The following ENTPD4 variants were observed in gnomAD, a reference collection of about 807,000 sequenced individuals.
ENTPD4 encodes ectonucleoside triphosphate diphosphohydrolase 4, also known as Golgi UDPase.
A neutral mutation model predicts 79.1 loss-of-function variants in ENTPD4; 60 were observed. That is an observed-to-expected ratio of 0.76 (90% CI 0.62 to 0.94). The LOEUF (loss-of-function observed/expected upper bound fraction) is 0.94. Among genes scored for constraint, ENTPD4 ranks in the 40% least tolerant of loss-of-function variants. The pLI is 0.00. For missense variants in ENTPD4, 772 were observed against 775.1 expected (o/e 1.00, Z 0.05); for synonymous variants, 276 against 292.0 (o/e 0.95, Z 0.56).
rs373602935 is a variant in ENTPD4, at chr8:23,444,464, G to A, written c.555C>T (p.Leu185=). 3.1e-6 allele frequency: 5 copies of A among 1,613,754 alleles called. No homozygotes were observed. The highest frequency in any genetic ancestry group is 2.2e-5 in the South Asian group (2 of 91,064). The change falls in exon 5 of 13, where the codon CTC becomes CTT. Residue 185 remains leucine, a synonymous_variant. Transcript: ENST00000358689. ...CTTCTGTGGAGGATCACCTTTCGGG[G>A]AGGATTCTCATTCCAGCCGTGCAGA... ...YILCTAGMRI[L]PESQQKAILE...
At chr8:23,445,777 A>C (rs1368384196) in intron 4 of ENTPD4, among the ~76,000 whole-genome samples, 1 of 152,244 alleles carries the variant, frequency 6.6e-6, no homozygotes, top group African/African-American at 2.4e-5. Context: ...GTGTCTGTTC[A>C]AACTTATATT....
At position 23,430,347 on chromosome 8, in the gene ENTPD4, C is replaced by T; in HGVS notation, c.*2579G>A. ...TTGAAAATAATCTAGACGGAAAAAT[C>T]CGAAGTGAAATTCTGGTGCAACAAA... is the stretch of plus-strand genomic sequence containing the variant. On this transcript the variant is annotated 3_prime_UTR_variant, in exon 13 of 13. Coordinates refer to ENST00000358689, the MANE Select transcript of ENTPD4 (RefSeq NM_004901.5). 1 of 985,392 alleles carries T rather than the reference C, an allele frequency of 1.0e-6. No individual in the cohort carries two copies. Among genetic ancestry groups the T allele is most frequent in the Non-Finnish European group, 1.2e-6 (1 of 829,928 alleles). 61.0% of individuals were successfully genotyped at this position (985,392 alleles called of 1,614,324 possible). A position where few individuals can be genotyped will look rare whatever the true frequency, so the allele number is the denominator to read the frequency against.
intron 6 of ENTPD4, 106 bp downstream of exon 6, chr8:23,443,744 C>T (rs1800713122): frequency 3.3e-6 from 2 of 602,466 alleles, no homozygotes; most frequent in Admixed American, 3.2e-5. Flanking sequence ...CTATTATTTC[C>T]CAAATGTTAA....
At chr8:23,451,261 C>T (rs1338254928) in intron 1 of ENTPD4, among the ~76,000 whole-genome samples, 1 of 152,108 alleles carries the variant, frequency 6.6e-6, no homozygotes, top group Non-Finnish European at 1.5e-5. Flanking sequence ...ACCCGGTGAT[C>T]TGCCGGCCTC....
At position 23,432,805 on chromosome 8, in the gene ENTPD4, TG is replaced by T. The variant is rs1308175822; in HGVS notation, c.*120del. ...GAGCCACCGCGCTCGGCCTGCATTTTGTTTTTGTTTGGAGGAACAAAAAAGG... is the reference window on the plus strand; with the variant it reads ...GAGCCACCGCGCTCGGCCTGCATTTTTTTTTGTTTGGAGGAACAAAAAAGG... On this transcript the variant is annotated 3_prime_UTR_variant, in exon 13 of 13. Coordinates refer to ENST00000358689, the MANE Select transcript of ENTPD4 (RefSeq NM_004901.5). 2 of 1,443,574 alleles carry T rather than the reference TG, an allele frequency of 1.4e-6. No homozygotes were observed. Among genetic ancestry groups the T allele is most frequent in the Non-Finnish European group, 1.8e-6 (2 of 1,101,062 alleles). The allele number at this position is 1,443,574 out of a possible 1,614,324, so 89.4% of individuals were successfully genotyped here.
intron 8 of ENTPD4, among the ~76,000 whole-genome samples, chr8:23,440,578 G>GT (rs772547179): frequency 6.6e-6 from 1 of 152,136 alleles, no homozygotes; most frequent in Non-Finnish European, 1.5e-5. Flanking sequence ...TACAAAGAGT[G>GT]TAACAGTCTC....
intron 2 of ENTPD4, 145 bp downstream of exon 2, chr8:23,449,748 C>A (rs1209458982): frequency 8.4e-6 from 6 of 712,062 alleles, no homozygotes. Flanking sequence ...AAATACCTCA[C>A]TGGGCCCTGG....
intron 1 of ENTPD4, among the ~76,000 whole-genome samples, chr8:23,455,718 G>T (rs1042473051): frequency 2.0e-5 from 3 of 151,954 alleles, no homozygotes; most frequent in African/African-American, 7.3e-5. Context: ...CCAGTTCCAC[G>T]TTCCAAGCTC....
Position 23,430,157 on chromosome 8 carries a change from T to G in ENTPD4, c.*2769A>C. ...TTGTCTCTCACCCACCCTGTATCTCTTAGAGAAAGCACCTGGCTGTCTTCA... is the reference window on the plus strand; with the variant it reads ...TTGTCTCTCACCCACCCTGTATCTCGTAGAGAAAGCACCTGGCTGTCTTCA... On this transcript the variant is annotated 3_prime_UTR_variant, in exon 13 of 13. Coordinates refer to ENST00000358689, the MANE Select transcript of ENTPD4 (RefSeq NM_004901.5). 5.1e-6 allele frequency: 5 copies of G among 985,480 alleles called. No homozygotes were observed. Among genetic ancestry groups the G allele is most frequent in the Non-Finnish European group, 6.0e-6 (5 of 829,948 alleles). The allele number at this position is 985,480 out of a possible 1,614,324, so 61.0% of individuals were successfully genotyped here.
chr8:23,457,510 T>G (rs1800982992), intron 1 of ENTPD4, 47 bp downstream of exon 1: 1 of 146,176 alleles, frequency 6.8e-6, no homozygotes. Context: ...CGCCGGCCCC[T>G]TCGGCCGCCC....
At chr8:23,441,371 G>A (rs1195146856) in intron 8 of ENTPD4, 198 bp downstream of exon 8, 1 of 975,996 alleles carries the variant, frequency 1.0e-6, no homozygotes, top group Non-Finnish European at 1.2e-6. Flanking sequence ...AAACAAACCA[G>A]CTGATTTCAA....
chr8:23,454,766 TAA>T (rs1383337539), intron 1 of ENTPD4, among the ~76,000 whole-genome samples: 1 of 152,230 alleles, frequency 6.6e-6, no homozygotes, highest in Non-Finnish European at 1.5e-5. Context: ...ACAGATATTT[TAA>T]GTTACAAAGC....
At position 23,432,703 on chromosome 8, in the gene ENTPD4, T is replaced by C; in HGVS notation, c.*223A>G. The C allele has an allele frequency of 9.7e-7, 1 of 1,030,252 alleles. No individual in the cohort carries two copies. The highest frequency in any genetic ancestry group is 1.3e-6 in the Non-Finnish European group (1 of 766,276). The allele number at this position is 1,030,252 out of a possible 1,614,324, so 63.8% of individuals were successfully genotyped here. ...TTAGTAGAGACGGGGTTTCACCGTG[T>C]TAGCCAGGATGGTCTCGATCTCCTG... On this transcript the variant is annotated 3_prime_UTR_variant, in exon 13 of 13. Transcript: ENST00000358689.
rs952356178 is a variant in ENTPD4 at position 23,431,539 on chromosome 8, T to C, written c.*1387A>G. ...CGAATTTTTTCCTTCAAAATGTGAA[T>C]TTATTTCCTGTATTGGATGCAGACT... On this transcript the variant is annotated 3_prime_UTR_variant, in exon 13 of 13. Coordinates refer to ENST00000358689, the MANE Select transcript of ENTPD4 (RefSeq NM_004901.5). The C allele has an allele frequency of 1.3e-5, 13 of 985,352 alleles. No homozygotes were observed. Among genetic ancestry groups the C allele is most frequent in the Non-Finnish European group, 1.6e-5 (13 of 829,948 alleles). The allele number at this position is 985,352 out of a possible 1,614,324, so 61.0% of individuals were successfully genotyped here. A position where few individuals can be genotyped will look rare whatever the true frequency, so the allele number is the denominator to read the frequency against.
chr8:23,434,311 C>T lies in ENTPD4; in HGVS notation c.1622+6G>A. The T allele has an allele frequency of 3.7e-6, 6 of 1,613,410 alleles. No individual in the cohort carries two copies. Among genetic ancestry groups the T allele is most frequent in the Non-Finnish European group, 5.1e-6 (6 of 1,179,514 alleles). ...TTGATTCTCGTTCCCAAATTCACAGCCCTACCTTAATGGTAGAAAGCGGGT... is the reference window on the plus strand; with the variant it reads ...TTGATTCTCGTTCCCAAATTCACAGTCCTACCTTAATGGTAGAAAGCGGGT... On this transcript the variant is annotated splice_donor_region_variant and intron_variant, in intron 12 of 12. Transcript: ENST00000358689.
chr8:23,443,878 A>C lies in ENTPD4; in HGVS notation c.639T>G (p.His213Gln), dbSNP rs766376448. The stretch of plus-strand genomic sequence containing the variant: ...CTTGTTTCCCAGAAATTACTTCTGC[A>C]TGAGAGTCAGAAAACAGAAAGTCAA... ...VHFDFLFSDS[H>Q]AEVISGKQEG... is the part of the protein sequence containing the mutation. The change falls in exon 6 of 13, where the codon CAT (histidine) becomes CAG (glutamine). Residue 213 changes from histidine to glutamine, a missense_variant. By Grantham distance (24) the His-to-Gln change is conservative (BLOSUM62 0). Coordinates refer to ENST00000358689, the MANE Select transcript of ENTPD4 (RefSeq NM_004901.5). The C allele has an allele frequency of 6.2e-7, 1 of 1,613,220 alleles. No homozygotes were observed. The highest frequency in any genetic ancestry group is 8.5e-7 in the Non-Finnish European group (1 of 1,179,176).
At chr8:23,446,784 C>G (rs1056455320) in intron 4 of ENTPD4, among the ~76,000 whole-genome samples, 6 of 152,084 alleles carry the variant, frequency 3.9e-5, no homozygotes, top group African/African-American at 1.4e-4. Flanking sequence ...ATGTATTTTT[C>G]TCATGTTAAA....
intron 9 of ENTPD4, among the ~76,000 whole-genome samples, chr8:23,438,861 T>C (rs1339794827): frequency 6.6e-6 from 1 of 152,236 alleles, no homozygotes; most frequent in African/African-American, 2.4e-5. Context: ...GTAAATGTAC[T>C]GAATAGCTCC....
At position 23,433,070 on chromosome 8, in the gene ENTPD4, G is replaced by C. The variant is rs771352806; in HGVS notation, c.1707C>G (p.Gly569=). 6.2e-7 allele frequency: 1 copy of C among 1,614,210 alleles called. No homozygotes were observed. The highest frequency in any genetic ancestry group is 1.3e-5 in the African/African-American group (1 of 75,060). Residue 569 remains glycine (G), a synonymous_variant, in exon 13 of 13, where the codon GGC becomes GGG. Transcript: ENST00000358689. ...TGGCCAGCAGCACCACCAGGAAGCA[G>C]CCAGAGAACAGGTAGTGGTTGTAGA... is the stretch of plus-strand genomic sequence containing the variant. ...SFVYNHYLFS[G]CFLVVLLAIL...
Sources: allele counts gnomAD v4.1 joint callset (sites outside exome capture counted in the v4.1 genomes callset), GRCh38; gene constraint gnomAD v4.1.1; transcripts MANE v1.5; gene names NCBI Gene and HGNC (gene_info 2026-07-23, HGNC 2026-07-21).